MCPH1: variants seen among roughly 807,000 people sequenced by gnomAD.
MCPH1 encodes the protein microcephalin 1.
In MCPH1, 104 loss-of-function variants were observed where a neutral mutation model predicts 84.5. The observed-to-expected ratio is 1.23, with a 90% CI of 1.05 to 1.45. The LOEUF (loss-of-function observed/expected upper bound fraction) is 1.45, where lower values mean the gene tolerates loss of function less well. MCPH1 is among the 40% of genes most tolerant of loss of function. MCPH1 has a pLI of 0.00. For missense variants in MCPH1, 1,498 were observed against 1,005.7 expected (o/e 1.49, Z -6.62); for synonymous variants, 514 against 366.8 (o/e 1.40, Z -4.58).
intron 2 of MCPH1, among the ~76,000 whole-genome samples, chr8:6,412,381 G>A (rs1798660904): frequency 6.6e-6 from 1 of 152,148 alleles, no homozygotes; most frequent in Non-Finnish European, 1.5e-5. Flanking sequence ...GAACTTTTTG[G>A]TTTCACCTTT....
chr8:6,506,839 C>A (rs921390367), intron 12 of MCPH1, among the ~76,000 whole-genome samples: 2 of 149,442 alleles, frequency 1.3e-5, no homozygotes, highest in African/African-American at 4.9e-5. Context: ...AATTTAAAGA[C>A]ATGAAAATTA....
chr8:6,438,743 G>T (rs1803041045), intron 5 of MCPH1, among the ~76,000 whole-genome samples: 1 of 152,198 alleles, frequency 6.6e-6, no homozygotes, highest in African/African-American at 2.4e-5. Context: ...CTTGGTGAGG[G>T]CAGTTGCTCA....
intron 12 of MCPH1, among the ~76,000 whole-genome samples, chr8:6,528,403 G>A (rs898148840): frequency 2.0e-5 from 3 of 151,800 alleles, no homozygotes; most frequent in African/African-American, 7.2e-5. Context: ...TCACTAGACA[G>A]AGAGATTGGA....
In MCPH1 at chr8:6,483,360, T is replaced by A. The variant is rs187083591; in HGVS notation, c.2136+2484T>A. Among the ~76,000 whole-genome samples the A allele has an allele frequency of 2.2e-3, 334 of 152,296 alleles. 1 individual carries two copies. Among genetic ancestry groups the A allele is most frequent in the Non-Finnish European group, 3.5e-3 (240 of 68,032 alleles). ...CTATGGAGATATTAAGGAGCCAGAATAGCCAAAACAATTTAGAAAGGAAAG... is the reference window on the plus strand; with the variant it reads ...CTATGGAGATATTAAGGAGCCAGAAAAGCCAAAACAATTTAGAAAGGAAAG... On this transcript the variant is annotated intron_variant, in intron 11 of 13. Transcript: ENST00000344683.
chr8:6,521,187 T>C, intron 12 of MCPH1: 1 of 1,612,714 alleles, frequency 6.2e-7, no homozygotes, highest in Non-Finnish European at 8.5e-7. Context: ...CAGTTTGATG[T>C]GGACATCATA....
chr8:6,468,673 T>C (rs1299001814), intron 9 of MCPH1, among the ~76,000 whole-genome samples: 1 of 150,612 alleles, frequency 6.6e-6, no homozygotes, highest in Non-Finnish European at 1.5e-5. Context: ...CTATGAAAAT[T>C]AGAAAAAATA....
intron 13 of MCPH1, among the ~76,000 whole-genome samples, chr8:6,640,105 CGTGT>C (rs139021455): frequency 0.099 from 13,267 of 133,504 alleles, 1,252 homozygotes; most frequent in East Asian, 0.42. Flanking sequence ...TGTGCGCGCG[CGTGT>C]GTGTGTGTGT....
At chr8:6,467,414 C>A (rs937179452) in intron 9 of MCPH1, among the ~76,000 whole-genome samples, 1 of 152,152 alleles carries the variant, frequency 6.6e-6, no homozygotes, top group East Asian at 1.9e-4. Context: ...TAGTTCTCAT[C>A]ATTAAAAGCA....
chr8:6,475,508 A>G (rs538709170), intron 9 of MCPH1, among the ~76,000 whole-genome samples: 12 of 152,348 alleles, frequency 7.9e-5, no homozygotes, highest in African/African-American at 2.6e-4. Context: ...GTAGCCTGGG[A>G]GAGCCCCTGG....
intron 12 of MCPH1, among the ~76,000 whole-genome samples, chr8:6,544,448 C>G (rs1312499727): frequency 6.6e-6 from 1 of 152,130 alleles, no homozygotes; most frequent in African/African-American, 2.4e-5. Flanking sequence ...CCTCCTAACC[C>G]AAAATAAGAG....
chr8:6,414,861 G>T lies in MCPH1; in HGVS notation c.211G>T (p.Val71Phe). The part of the protein sequence containing the change: ...DKAQKRGVKL[V>F]SVLWVEKCRT... ...AGCTCAGAAGAGAGGCGTAAAGCTC[G>T]TTTCGGTGCTCTGGGTGGAAAAGTA... is the stretch of plus-strand genomic sequence containing the variant. Residue 71 changes from valine (V) to phenylalanine (F), a missense_variant, in exon 3 of 14, where the codon GTT (valine) becomes TTT (phenylalanine). Coordinates refer to ENST00000344683, the MANE Select transcript of MCPH1 (RefSeq NM_024596.5). The T allele has an allele frequency of 6.2e-7, 1 of 1,613,612 alleles. No individual in the cohort carries two copies.
chr8:6,426,453 T>C (rs939439418), intron 3 of MCPH1, among the ~76,000 whole-genome samples: 43 of 152,222 alleles, frequency 2.8e-4, no homozygotes, highest in Non-Finnish European at 1.2e-4. Flanking sequence ...CAGCGTGTAC[T>C]ATTTTGTGCC....
intron 12 of MCPH1, among the ~76,000 whole-genome samples, chr8:6,564,624 C>T (rs570748659): frequency 6.6e-6 from 1 of 152,204 alleles, no homozygotes; most frequent in African/African-American, 2.4e-5. Flanking sequence ...TCCCAGTGAG[C>T]GCTGAATAGC....
intron 3 of MCPH1, 31 bp from the exon 4 acceptor site, chr8:6,431,468 C>T (rs1358447062): frequency 6.5e-7 from 1 of 1,530,082 alleles, no homozygotes; most frequent in South Asian, 1.1e-5. Context: ...GAAGCAAATA[C>T]TCATTAGACT....
In MCPH1 at chr8:6,499,063, A is replaced by ACATT. The variant is rs1450161582; in HGVS notation, c.2137-789_2137-788insCATT. On this transcript the variant is annotated intron_variant, in intron 11 of 13. Coordinates refer to ENST00000344683, the MANE Select transcript of MCPH1 (RefSeq NM_024596.5). ...TGAGAGTTTGTCTCAAAAAATAAAT[A>ACATT]AATTAAATAAATAAATAAATAAATA... Among the ~76,000 whole-genome samples the ACATT allele has an allele frequency of 1.9e-4, 25 of 128,392 alleles. No individual in the cohort carries two copies. The East Asian group carries it at 6.6e-3, about 34-fold the overall frequency. The allele number at this position is 128,392 out of a possible 152,430, so 84.2% of individuals were successfully genotyped here.
In MCPH1 at chr8:6,648,132, G is replaced by T. The variant is rs529063327; in HGVS notation, c.*5083G>T. 1 of 152,188 alleles carries T rather than the reference G, an allele frequency of 6.6e-6. No individual in the cohort carries two copies. Among genetic ancestry groups the T allele is most frequent in the African/African-American group, 2.4e-5 (1 of 41,442 alleles). 9.4% of individuals were successfully genotyped at this position (152,188 alleles called of 1,614,324 possible). A position where few individuals can be genotyped will look rare whatever the true frequency, so the allele number is the denominator to read the frequency against. On this transcript the variant is annotated 3_prime_UTR_variant, in exon 14 of 14. Transcript: ENST00000344683. The stretch of plus-strand genomic sequence containing the variant: ...TTTCTCTGCAGTCCCCAGCCAATAC[G>T]TGGGCACAGAAAGGCACAGGGCATG...
chr8:6,509,666 C>T lies in MCPH1; in HGVS notation c.2214+9737C>T, dbSNP rs562670044. On this transcript the variant is annotated intron_variant, in intron 12 of 13. Coordinates refer to ENST00000344683, the MANE Select transcript of MCPH1 (RefSeq NM_024596.5). ...AGTTAGACACTATTTACAATACAGA[C>T]GATCCCTGACTTCCCATGGGGCTAT... is the stretch of plus-strand genomic sequence containing the variant. Among the ~76,000 whole-genome samples, 9 of 152,284 alleles carry T rather than the reference C, an allele frequency of 5.9e-5. No individual in the cohort carries two copies. The South Asian group carries it at 6.2e-4, about 11-fold the overall frequency.
intron 2 of MCPH1, among the ~76,000 whole-genome samples, chr8:6,413,616 G>A (rs1585583258): frequency 6.6e-6 from 1 of 151,646 alleles, no homozygotes; most frequent in East Asian, 1.9e-4. Context: ...TCTACTACCA[G>A]TGAGCTTTAC....
At chr8:6,601,434 C>T (rs192963082) in intron 12 of MCPH1, among the ~76,000 whole-genome samples, 8 of 151,956 alleles carry the variant, frequency 5.3e-5, no homozygotes, top group Admixed American at 2.0e-4. Context: ...GCTGCCCGTA[C>T]GGGACTGCTC....
Sources: gnomAD v4.1 joint callset for allele counts (sites outside exome capture counted in the v4.1 genomes callset) on GRCh38, gnomAD v4.1.1 for gene constraint, MANE v1.5 for transcripts, NCBI Gene and HGNC (gene_info 2026-07-23, HGNC 2026-07-21) for gene names.